The following CDKAL1 variants were observed in gnomAD, a reference collection of about 807,000 sequenced individuals.
The protein encoded by CDKAL1 is CDKAL1 threonylcarbamoyladenosine tRNA methylthiotransferase, also known as threonylcarbamoyladenosine tRNA methylthiotransferase.
CDKAL1 carries 32 observed loss-of-function variants against 68.2 expected under a neutral mutation model. The ratio of observed to expected loss-of-function variants is 0.47; its 90% CI spans 0.35 to 0.63. The LOEUF is 0.63. Ranked by LOEUF, CDKAL1 falls within the 30% of genes least tolerant of loss-of-function variation. CDKAL1 has a pLI of 0.00. For missense variants in CDKAL1, 606 were observed against 696.7 expected, an observed-to-expected ratio of 0.87 and a Z score of 1.47; for synonymous variants, 234 against 244.3, an observed-to-expected ratio of 0.96 and a Z score of 0.39.
chr6:20,735,649 G>T (rs61484729), intron 5 of CDKAL1, among the ~76,000 whole-genome samples: 10,907 of 152,172 alleles, frequency 0.072, 537 homozygotes, highest in African/African-American at 0.14. Context: ...ATTTTTCTTT[G>T]AATTTTTTGG....
chr6:20,733,586 T>C (rs1391444037), intron 5 of CDKAL1, among the ~76,000 whole-genome samples: 1 of 152,162 alleles, frequency 6.6e-6, no homozygotes, highest in Non-Finnish European at 1.5e-5. Context: ...TCAGGTCCAT[T>C]TGTGCAAATG....
At chr6:20,810,805 A>G (rs1231257106) in intron 8 of CDKAL1, among the ~76,000 whole-genome samples, 3 of 152,050 alleles carry the variant, frequency 2.0e-5, no homozygotes, top group African/African-American at 7.2e-5. Flanking sequence ...TCAGTCTCCA[A>G]GCTTTCACAG....
intron 13 of CDKAL1, among the ~76,000 whole-genome samples, chr6:21,186,986 G>A (rs1055414024): frequency 6.6e-6 from 1 of 152,102 alleles, no homozygotes; most frequent in Non-Finnish European, 1.5e-5. Context: ...ATTTACTCCA[G>A]TATATCAAAA....
At chr6:20,746,363 T>G (rs1444302491) in intron 6 of CDKAL1, among the ~76,000 whole-genome samples, 1 of 152,216 alleles carries the variant, frequency 6.6e-6, no homozygotes, top group Non-Finnish European at 1.5e-5. Flanking sequence ...AAGATGAAAA[T>G]ATACTGGGAG....
chr6:20,812,293 G>T (rs1242893397), intron 8 of CDKAL1, among the ~76,000 whole-genome samples: 1 of 152,084 alleles, frequency 6.6e-6, no homozygotes, highest in African/African-American at 2.4e-5. Flanking sequence ...GAATCATTAT[G>T]CACTTGGGGG....
intron 6 of CDKAL1, among the ~76,000 whole-genome samples, chr6:20,757,879 T>C (rs1774291754): frequency 6.6e-6 from 1 of 152,212 alleles, no homozygotes; most frequent in Admixed American, 6.5e-5. Flanking sequence ...CTTTGCTTTT[T>C]TTCATTTTCC....
intron 12 of CDKAL1, among the ~76,000 whole-genome samples, chr6:21,082,550 A>G (rs981598595): frequency 6.6e-6 from 1 of 152,256 alleles, no homozygotes; most frequent in Non-Finnish European, 1.5e-5. Context: ...ATAAGTACTC[A>G]TCCGATAAAT....
At chr6:20,679,372 C>T (rs1003525436) in intron 5 of CDKAL1, among the ~76,000 whole-genome samples, 2 of 152,186 alleles carry the variant, frequency 1.3e-5, no homozygotes, top group African/African-American at 2.4e-5. Context: ...AACATTTGTA[C>T]ATTGACCTAC....
intron 5 of CDKAL1, among the ~76,000 whole-genome samples, chr6:20,723,827 C>T (rs1184510101): frequency 1.3e-5 from 2 of 152,138 alleles, no homozygotes; most frequent in African/African-American, 2.4e-5. Context: ...CTTCTTTTGC[C>T]TCTGTTCAGA....
chr6:20,721,682 A>G (rs1400657997), intron 5 of CDKAL1, among the ~76,000 whole-genome samples: 2 of 148,664 alleles, frequency 1.3e-5, no homozygotes, highest in African/African-American at 5.0e-5. Context: ...TCCCACCAAC[A>G]GTGCGTAAGC....
intron 4 of CDKAL1, among the ~76,000 whole-genome samples, chr6:20,609,307 C>CTCT: frequency 6.7e-6 from 1 of 149,372 alleles, no homozygotes; most frequent in South Asian, 2.2e-4. Flanking sequence ...TCTCCTCCTC[C>CTCT]TCCTCCCCCC....
chr6:20,546,197 T>C (rs1763595525), intron 2 of CDKAL1, 149 bp from the exon 3 acceptor site: 1 of 575,350 alleles, frequency 1.7e-6, no homozygotes, highest in African/African-American at 1.9e-5. Flanking sequence ...ACTTCATCCT[T>C]GTGTTTCTTT....
intron 7 of CDKAL1, among the ~76,000 whole-genome samples, chr6:20,776,753 G>A (rs970256159): frequency 1.3e-5 from 2 of 152,192 alleles, no homozygotes; most frequent in African/African-American, 2.4e-5. Context: ...TCAACTAAAA[G>A]CATTCAACAA....
At chr6:20,596,069 G>A (rs1009298279) in intron 4 of CDKAL1, among the ~76,000 whole-genome samples, 4 of 152,116 alleles carry the variant, frequency 2.6e-5, no homozygotes, top group Admixed American at 6.5e-5. Context: ...GATGCCAGCC[G>A]GAGCTCTCCT....
intron 9 of CDKAL1, among the ~76,000 whole-genome samples, chr6:20,887,831 C>T (rs1390391161): frequency 6.7e-6 from 1 of 150,246 alleles, no homozygotes; most frequent in Admixed American, 6.7e-5. Flanking sequence ...TCACACAGGC[C>T]AGAGTAGAGT....
rs1051962475 is a variant in CDKAL1, at chr6:21,231,844, G to C, written c.*805G>C. ...GTTCCTGAAAAGTGTATAGAAACCT[G>C]TTCTGGGAACCTGAATGCTTTTGGA... On this transcript the variant is annotated 3_prime_UTR_variant, in exon 16 of 16. Coordinates refer to ENST00000274695, the MANE Select transcript of CDKAL1 (RefSeq NM_017774.3). 2.6e-5 allele frequency: 4 copies of C among 152,136 alleles called. No individual in the cohort carries two copies. The highest frequency in any genetic ancestry group is 9.7e-5 in the African/African-American group (4 of 41,424). The allele number at this position is 152,136 out of a possible 1,614,324, so 9.4% of individuals were successfully genotyped here.
At chr6:20,785,653 T>TC (rs1329805601) in intron 8 of CDKAL1, among the ~76,000 whole-genome samples, 18 of 152,278 alleles carry the variant, frequency 1.2e-4, no homozygotes, top group Non-Finnish European at 1.9e-4. Flanking sequence ...TTGCTTTTTT[T>TC]CACTTACTTT....
intron 10 of CDKAL1, among the ~76,000 whole-genome samples, chr6:20,972,552 CTT>C (rs1304989211): frequency 6.6e-6 from 1 of 152,194 alleles, no homozygotes; most frequent in Non-Finnish European, 1.5e-5. Flanking sequence ...TTTCATTTCT[CTT>C]TTGCTCTTCC....
chr6:20,908,070 A>G (rs1762311766), intron 9 of CDKAL1, among the ~76,000 whole-genome samples: 1 of 152,186 alleles, frequency 6.6e-6, no homozygotes, highest in African/African-American at 2.4e-5. Context: ...TAGGGCCAGT[A>G]TTAACCCAGA....
Sources: allele counts gnomAD v4.1 joint callset (sites outside exome capture counted in the v4.1 genomes callset), GRCh38; gene constraint gnomAD v4.1.1; transcripts MANE v1.5; gene names NCBI Gene and HGNC (gene_info 2026-07-23, HGNC 2026-07-21).